Variants in SERPINI1 observed in about 807,000 individuals in gnomAD.
SERPINI1 encodes the protein serpin family I member 1.
In SERPINI1, 19 loss-of-function variants were observed where a neutral mutation model predicts 41.1. The ratio of observed to expected loss-of-function variants is 0.46; its 90% confidence interval spans 0.32 to 0.68. The LOEUF is 0.68. SERPINI1 is among the 30% of genes least tolerant of loss of function. The pLI, the probability that SERPINI1 is intolerant of heterozygous loss-of-function variation, is 0.03. For synonymous variants in SERPINI1, 138 were observed against 156.6 expected (o/e 0.88, Z 0.89); for missense variants, 460 against 479.2 (o/e 0.96, Z 0.37).
At chr3:167,771,614 C>T (rs975522582) in intron 1 of SERPINI1, among the ~76,000 whole-genome samples, 1 of 152,068 alleles carries the variant, frequency 6.6e-6, no homozygotes, top group African/African-American at 2.4e-5. Flanking sequence ...AGTGTTTTAC[C>T]TGTTTAACTT....
intron 6 of SERPINI1, among the ~76,000 whole-genome samples, chr3:167,818,154 C>T (rs1333177267): frequency 1.3e-5 from 2 of 151,626 alleles, no homozygotes; most frequent in African/African-American, 2.4e-5. Flanking sequence ...GCCTCCCTAG[C>T]AGCTGGGATC....
chr3:167,784,220 T>G (rs1217260090), intron 1 of SERPINI1, among the ~76,000 whole-genome samples: 10 of 152,174 alleles, frequency 6.6e-5, no homozygotes, highest in Admixed American at 5.9e-4. Flanking sequence ...GTGGATATAA[T>G]TTTCTGCTAT....
chr3:167,824,781 T>C (rs922544681), intron 8 of SERPINI1, among the ~76,000 whole-genome samples: 14 of 152,162 alleles, frequency 9.2e-5, no homozygotes, highest in African/African-American at 3.4e-4. Flanking sequence ...GCTCAGACTT[T>C]AATCTCAGCA....
chr3:167,748,382 C>T (rs1323816741), intron 1 of SERPINI1, among the ~76,000 whole-genome samples: 2 of 152,082 alleles, frequency 1.3e-5, no homozygotes, highest in African/African-American at 2.4e-5. Flanking sequence ...CCTTTAAGGT[C>T]AAGGAAGGTA....
rs71753556 is a variant in SERPINI1, at chr3:167,759,400, G to GTATATATATA, written c.-19+23589_-19+23598dup. Among the ~76,000 whole-genome samples the GTATATATATA allele has an allele frequency of 9.7e-4, 118 of 121,132 alleles. 4 individuals carry two copies. The highest frequency in any genetic ancestry group is 2.6e-3 in the African/African-American group (87 of 32,904). The allele number at this position is 121,132 out of a possible 152,430, so 79.5% of individuals were successfully genotyped here. Reference sequence around the variant, plus strand: ...ATCAACATTGGATAAAGAAAATGTGGTATATATATATATATATATATGCGC... The same window carrying GTATATATATA: ...ATCAACATTGGATAAAGAAAATGTGGTATATATATATATATATATATATATATATATGCGC... On this transcript the variant is annotated intron_variant, in intron 1 of 8. Transcript: ENST00000446050.
chr3:167,772,864 C>CTCTCTATCTATA (rs1374013676), intron 1 of SERPINI1, among the ~76,000 whole-genome samples: 1 of 24,644 alleles, frequency 4.1e-5, no homozygotes, highest in Non-Finnish European at 6.5e-5. Flanking sequence ...CTCTCTCTCT[C>CTCTCTATCTATA]TATATATATA....
At chr3:167,742,421 G>A (rs1041048281) in intron 1 of SERPINI1, among the ~76,000 whole-genome samples, 17 of 152,166 alleles carry the variant, frequency 1.1e-4, no homozygotes, top group African/African-American at 4.1e-4. Context: ...TTACAGGCTC[G>A]ATGTTGTCAG....
At chr3:167,790,676 C>T in intron 3 of SERPINI1, 74 bp downstream of exon 3, 4 of 1,131,010 alleles carry the variant, frequency 3.5e-6, no homozygotes, top group Non-Finnish European at 5.3e-6. Context: ...GTATTTCCTC[C>T]TTGTTCCTTT....
chr3:167,780,750 A>C (rs1727096521), intron 1 of SERPINI1, among the ~76,000 whole-genome samples: 1 of 152,196 alleles, frequency 6.6e-6, no homozygotes, highest in African/African-American at 2.4e-5. Flanking sequence ...CTGCATACAC[A>C]GTACTTTTTC....
intron 6 of SERPINI1, among the ~76,000 whole-genome samples, chr3:167,821,186 A>C (rs1236017631): frequency 2.0e-5 from 3 of 152,128 alleles, no homozygotes; most frequent in Non-Finnish European, 4.4e-5. Flanking sequence ...CCTGGGACCC[A>C]CCAAATGGCA....
chr3:167,777,359 A>C (rs1726995573), intron 1 of SERPINI1, among the ~76,000 whole-genome samples: 1 of 152,236 alleles, frequency 6.6e-6, no homozygotes, highest in South Asian at 2.1e-4. Flanking sequence ...CAAGTATTTT[A>C]GCTTTTAATT....
intron 1 of SERPINI1, among the ~76,000 whole-genome samples, chr3:167,772,864 C>CTCTCTCTCTCTCTATATA (rs1374013676): frequency 5.3e-4 from 13 of 24,644 alleles, no homozygotes; most frequent in South Asian, 5.2e-3. Flanking sequence ...CTCTCTCTCT[C>CTCTCTCTCTCTCTATATA]TATATATATA....
chr3:167,752,054 G>C (rs1726063754), intron 1 of SERPINI1, among the ~76,000 whole-genome samples: 1 of 152,124 alleles, frequency 6.6e-6, no homozygotes, highest in Non-Finnish European at 1.5e-5. Flanking sequence ...TAATAAACAT[G>C]CATTGTGTTC....
In SERPINI1 at chr3:167,810,278, C is replaced by A. The variant is rs115642009; in HGVS notation, c.979+2937C>A. Among the ~76,000 whole-genome samples, 21 of 152,128 alleles carry A rather than the reference C, an allele frequency of 1.4e-4. No homozygotes were observed. The East Asian group carries it at 1.7e-3, about 13-fold the overall frequency. On this transcript the variant is annotated intron_variant, in intron 6 of 8. Transcript: ENST00000446050. ...GATTAATGTCTATAACTCTTCATAA[C>A]CCCCATAAATACCCAGGAAAATTAT...
At chr3:167,793,596 A>ATATATATATATATATATTTTT in intron 4 of SERPINI1, among the ~76,000 whole-genome samples, 1 of 140,608 alleles carries the variant, frequency 7.1e-6, no homozygotes, top group African/African-American at 2.7e-5. Flanking sequence ...ATATATATAT[A>ATATATATATATATATATTTTT]TTTTTAATTA....
intron 5 of SERPINI1, among the ~76,000 whole-genome samples, chr3:167,801,494 A>G (rs1727898127): frequency 6.6e-6 from 1 of 152,096 alleles, no homozygotes. Context: ...TTACTGTCAG[A>G]AAGACCTCCA....
chr3:167,782,402 C>T (rs1727161702), intron 1 of SERPINI1, among the ~76,000 whole-genome samples: 1 of 152,104 alleles, frequency 6.6e-6, no homozygotes, highest in African/African-American at 2.4e-5. Context: ...AGCTGCTACC[C>T]CTGGGCTCAA....
At chr3:167,822,661 T>A (rs568677157) in intron 6 of SERPINI1, among the ~76,000 whole-genome samples, 1 of 152,282 alleles carries the variant, frequency 6.6e-6, no homozygotes, top group Middle Eastern at 3.4e-3. Flanking sequence ...TAAAGAGCAA[T>A]GTGTGAGATA....
rs1322287027 is a variant in SERPINI1 at position 167,825,304 on chromosome 3, A to G, written c.1214A>G (p.His405Arg). The G allele has an allele frequency of 1.2e-6, 2 of 1,612,292 alleles. No individual in the cohort carries two copies. The highest frequency in any genetic ancestry group is 1.7e-6 in the Non-Finnish European group (2 of 1,178,360). The part of the protein sequence containing the change: ...MHPETMNTSG[H>R]DFEEL Reference sequence around the variant, plus strand: ...CCTGAAACAATGAACACAAGTGGACATGATTTCGAAGAACTTTAAGTTACT... The same window carrying G: ...CCTGAAACAATGAACACAAGTGGACGTGATTTCGAAGAACTTTAAGTTACT... Residue 405 changes from histidine to arginine, a missense_variant, in exon 9 of 9, where the codon CAT becomes CGT. Coordinates refer to ENST00000446050, the MANE Select transcript of SERPINI1 (RefSeq NM_001122752.2).
Sources: allele counts gnomAD v4.1 joint callset (sites outside exome capture counted in the v4.1 genomes callset), GRCh38; gene constraint gnomAD v4.1.1; transcripts MANE v1.5; gene names NCBI Gene and HGNC (gene_info 2026-07-23, HGNC 2026-07-21).